The following SPINK9 variants were observed in gnomAD, a reference collection of about 807,000 sequenced individuals.
SPINK9 encodes serine protease inhibitor Kazal-type 9.
In SPINK9, 3 loss-of-function variants were observed where a neutral mutation model predicts 10.8. That is an observed-to-expected ratio of 0.28 (90% CI 0.13 to 0.72). The LOEUF (loss-of-function observed/expected upper bound fraction) is 0.72. SPINK9 is among the 30% of genes least tolerant of loss of function. The probability of loss-of-function intolerance (pLI) is 0.74; values close to 1 mark genes in which losing one functional copy is unlikely to be tolerated. For missense variants in SPINK9, 101 were observed against 103.2 expected, an observed-to-expected ratio of 0.98 and a Z score of 0.09; for synonymous variants, 30 against 31.2, an observed-to-expected ratio of 0.96 and a Z score of 0.12.
chr5:148,323,960 T>A, intron 2 of SPINK9: 2 of 569,544 alleles, frequency 3.5e-6, no homozygotes, highest in Non-Finnish European at 6.3e-6. Context: ...TAATTAGACA[T>A]GTATATTGTG....
At chr5:148,335,112 C>T (rs1249222766), upstream of SPINK9, among the ~76,000 whole-genome samples, 6 of 152,182 alleles carry the variant, frequency 3.9e-5, no homozygotes, top group Admixed American at 3.9e-4. Context: ...ACCTACAACA[C>T]CTGCAAGAGC....
chr5:148,336,797 C>G (rs1757223239), intron 2 of SPINK9, among the ~76,000 whole-genome samples: 1 of 152,164 alleles, frequency 6.6e-6, no homozygotes. Flanking sequence ...TCAATAAGGG[C>G]AAGTCATGAT....
chr5:148,333,413 C>T (rs1757175870), upstream of SPINK9, among the ~76,000 whole-genome samples: 1 of 152,264 alleles, frequency 6.6e-6, no homozygotes, highest in Non-Finnish European at 1.5e-5. Context: ...AGCACAGCTA[C>T]TGCTCCTTGC....
upstream of SPINK9, among the ~76,000 whole-genome samples, chr5:148,334,790 A>C (rs887745400): frequency 6.6e-6 from 1 of 152,192 alleles, no homozygotes; most frequent in Non-Finnish European, 1.5e-5. Flanking sequence ...ATTCAAGATA[A>C]AATACAGTCT....
At chr5:148,330,428 C>G (rs1757132962) in intron 2 of SPINK9, among the ~76,000 whole-genome samples, 1 of 152,138 alleles carries the variant, frequency 6.6e-6, no homozygotes, top group African/African-American at 2.4e-5. Context: ...TTCCTGAATA[C>G]AGCACACTGA....
At chr5:148,327,909 C>G (rs1223269645) in intron 2 of SPINK9, among the ~76,000 whole-genome samples, 2 of 152,034 alleles carry the variant, frequency 1.3e-5, no homozygotes, top group African/African-American at 4.8e-5. Context: ...GTTACTGTAG[C>G]CTTGTAGTAT....
intron 2 of SPINK9, 114 bp from the exon 3 acceptor site, chr5:148,338,364 C>T: frequency 1.1e-6 from 1 of 900,176 alleles, no homozygotes; most frequent in East Asian, 2.7e-5. Context: ...TGAGAACCAA[C>T]AATTGTAATA....
At chr5:148,329,160 T>C (rs953978042) in intron 2 of SPINK9, among the ~76,000 whole-genome samples, 1 of 152,208 alleles carries the variant, frequency 6.6e-6, no homozygotes, top group Non-Finnish European at 1.5e-5. Context: ...TGGTAAGCTA[T>C]TAATTATTGC....
chr5:148,337,260 G>A (rs1001056895), intron 2 of SPINK9, among the ~76,000 whole-genome samples: 1 of 152,080 alleles, frequency 6.6e-6, no homozygotes, highest in Non-Finnish European at 1.5e-5. Context: ...GTGAAATCAC[G>A]CTGGCATATA....
chr5:148,332,250 C>T (rs181425153), upstream of SPINK9, among the ~76,000 whole-genome samples: 13 of 152,350 alleles, frequency 8.5e-5, no homozygotes, highest in South Asian at 2.3e-3. Context: ...ACAGCAGTTA[C>T]TTCAGAATGT....
upstream of SPINK9, among the ~76,000 whole-genome samples, chr5:148,331,075 G>T (rs934118021): frequency 6.6e-6 from 1 of 152,164 alleles, no homozygotes; most frequent in Non-Finnish European, 1.5e-5. Flanking sequence ...GCTCACGCAC[G>T]GTGCGCTGCA....
intron 2 of SPINK9, among the ~76,000 whole-genome samples, chr5:148,325,803 T>C (rs1300071645): frequency 6.6e-6 from 1 of 152,142 alleles, no homozygotes; most frequent in Non-Finnish European, 1.5e-5. Flanking sequence ...TCATTGCCTA[T>C]TCAAAGGTTA....
At chr5:148,322,832 A>C (rs1757014212) in intron 1 of SPINK9, among the ~76,000 whole-genome samples, 1 of 152,112 alleles carries the variant, frequency 6.6e-6, no homozygotes, top group Non-Finnish European at 1.5e-5. Context: ...AATCTATATG[A>C]CATCCAAAGT....
upstream of SPINK9, among the ~76,000 whole-genome samples, chr5:148,332,933 ATACAG>A (rs532077751): frequency 1.7e-4 from 24 of 137,736 alleles, no homozygotes; most frequent in East Asian, 5.3e-3. Context: ...TGAGAAACTT[ATACAG>A]TAATTTTTTT....
chr5:148,327,573 C>T (rs1242507810), intron 2 of SPINK9, among the ~76,000 whole-genome samples: 6 of 152,116 alleles, frequency 3.9e-5, no homozygotes, highest in East Asian at 1.9e-4. Flanking sequence ...GACATGAAGT[C>T]CTTGCCCATG....
chr5:148,332,383 G>C (rs777414500), upstream of SPINK9, among the ~76,000 whole-genome samples: 1 of 152,152 alleles, frequency 6.6e-6, no homozygotes, highest in African/African-American at 2.4e-5. Context: ...TACAAATTAA[G>C]TTGTTTAATC....
intron 2 of SPINK9, among the ~76,000 whole-genome samples, chr5:148,337,844 T>C (rs1757236772): frequency 6.6e-6 from 1 of 152,186 alleles, no homozygotes; most frequent in South Asian, 2.1e-4. Flanking sequence ...TTCTATATGC[T>C]CATAGATTTT....
At chr5:148,326,966 A>G (rs1212529140) in intron 2 of SPINK9, among the ~76,000 whole-genome samples, 2 of 152,042 alleles carry the variant, frequency 1.3e-5, no homozygotes, top group Admixed American at 1.3e-4. Context: ...TAATGCCGCA[A>G]TAAACATATG....
intron 3 of SPINK9, among the ~76,000 whole-genome samples, chr5:148,339,340 T>C (rs985538033): frequency 2.0e-5 from 3 of 152,178 alleles, no homozygotes; most frequent in African/African-American, 7.2e-5. Flanking sequence ...ATCTAACATA[T>C]GTGGCATATT....
Sources: allele counts gnomAD v4.1 joint callset (sites outside exome capture counted in the v4.1 genomes callset), GRCh38; gene constraint gnomAD v4.1.1; transcripts MANE v1.5; gene names NCBI Gene and HGNC (gene_info 2026-07-23, HGNC 2026-07-21).